The following GRIN2A variants were observed in gnomAD, a reference collection of about 807,000 sequenced individuals.
GRIN2A encodes glutamate ionotropic receptor NMDA type subunit 2A.
In GRIN2A, 22 loss-of-function variants were observed where a neutral mutation model predicts 113.4. The ratio of observed to expected loss-of-function variants is 0.19; its 90% CI spans 0.14 to 0.28. The LOEUF (loss-of-function observed/expected upper bound fraction) is 0.28, where lower values mean the gene tolerates loss of function less well. Among genes scored for constraint, GRIN2A ranks in the 10% least tolerant of loss-of-function variants. The pLI is 1.00. For missense variants in GRIN2A, 1,502 were observed against 1,887.0 expected (o/e 0.80, Z 3.78); for synonymous variants, 827 against 738.4 (o/e 1.12, Z -1.94).
chr16:9,882,126 G>C (rs111786675), intron 4 of GRIN2A, among the ~76,000 whole-genome samples: 2,574 of 152,166 alleles, frequency 0.017, 63 homozygotes, highest in African/African-American at 0.054. Flanking sequence ...TTGAGATCTT[G>C]AAACTCACTG....
chr16:9,996,108 G>C (rs1374873962), intron 2 of GRIN2A, among the ~76,000 whole-genome samples: 1 of 149,808 alleles, frequency 6.7e-6, no homozygotes, highest in Non-Finnish European at 1.5e-5. Context: ...GGAGGATTTG[G>C]AAAGTAAAGA....
At chr16:9,801,113 C>T (rs1275358816) in intron 10 of GRIN2A, among the ~76,000 whole-genome samples, 1 of 152,124 alleles carries the variant, frequency 6.6e-6, no homozygotes, top group Non-Finnish European at 1.5e-5. Flanking sequence ...CTGTGGTATT[C>T]TAAGATTGTG....
intron 2 of GRIN2A, among the ~76,000 whole-genome samples, chr16:10,034,695 T>C (rs779836103): frequency 6.6e-6 from 1 of 150,620 alleles, no homozygotes; most frequent in Admixed American, 6.7e-5. Context: ...GGTCTATCTA[T>C]TCAGGAGACT....
At chr16:9,772,834 G>A (rs2141161804) in intron 11 of GRIN2A, among the ~76,000 whole-genome samples, 1 of 146,324 alleles carries the variant, frequency 6.8e-6, no homozygotes, top group African/African-American at 2.5e-5. Flanking sequence ...TTCTTTTCAG[G>A]ATGTAAATAA....
At chr16:10,067,931 C>G (rs1308823387) in intron 2 of GRIN2A, among the ~76,000 whole-genome samples, 3 of 152,168 alleles carry the variant, frequency 2.0e-5, no homozygotes, top group African/African-American at 4.8e-5. Context: ...CAACTCCAGG[C>G]TAAGATGAAG....
chr16:9,940,976 G>C (rs767938104), intron 2 of GRIN2A, among the ~76,000 whole-genome samples: 39 of 152,230 alleles, frequency 2.6e-4, no homozygotes, highest in Middle Eastern at 6.8e-3. Flanking sequence ...ACGCCTCTTG[G>C]GATGGGGCAA....
At chr16:9,832,088 T>TTATA (rs1404877097) in intron 8 of GRIN2A, among the ~76,000 whole-genome samples, 2 of 56,178 alleles carry the variant, frequency 3.6e-5, no homozygotes, top group Non-Finnish European at 4.6e-5. Flanking sequence ...CAGGCTTATT[T>TTATA]TATTTATTTA....
chr16:9,997,868 G>T (rs2046254422), intron 2 of GRIN2A, among the ~76,000 whole-genome samples: 1 of 152,154 alleles, frequency 6.6e-6, no homozygotes, highest in Non-Finnish European at 1.5e-5. Flanking sequence ...ACATGCCTTT[G>T]TTCCTGCTTT....
chr16:9,854,097 G>C lies in GRIN2A; in HGVS notation c.1123-4136C>G, dbSNP rs567704406. Among the ~76,000 whole-genome samples, 3 of 152,242 alleles carry C rather than the reference G, an allele frequency of 2.0e-5. No individual in the cohort carries two copies. The South Asian group carries it at 6.2e-4, about 32-fold the overall frequency. ...TCTAACTCAGGGCATGCCACATGGAGGGACTTAATGGGTAGTTTTTGGTGG... is the reference window on the plus strand; with the variant it reads ...TCTAACTCAGGGCATGCCACATGGACGGACTTAATGGGTAGTTTTTGGTGG... On this transcript the variant is annotated intron_variant, in intron 4 of 12. Transcript: ENST00000330684.
chr16:10,033,463 CA>C (rs1255869287), intron 2 of GRIN2A, among the ~76,000 whole-genome samples: 1 of 152,122 alleles, frequency 6.6e-6, no homozygotes, highest in Non-Finnish European at 1.5e-5. Flanking sequence ...TGAAAATAAA[CA>C]GGATGATGTG....
chr16:9,823,618 C>T (rs2042330324), intron 9 of GRIN2A, among the ~76,000 whole-genome samples: 1 of 152,118 alleles, frequency 6.6e-6, no homozygotes, highest in African/African-American at 2.4e-5. Flanking sequence ...TAGTTGGGTC[C>T]AGCACTATGC....
At chr16:10,136,299 A>G (rs1453825890) in intron 2 of GRIN2A, among the ~76,000 whole-genome samples, 2 of 152,184 alleles carry the variant, frequency 1.3e-5, no homozygotes, top group African/African-American at 4.8e-5. Context: ...CAACAGATGA[A>G]GGCGAAAACA....
intron 2 of GRIN2A, among the ~76,000 whole-genome samples, chr16:10,066,808 C>A (rs531528290): frequency 6.6e-6 from 1 of 152,148 alleles, no homozygotes; most frequent in Non-Finnish European, 1.5e-5. Context: ...GGAAATGTCA[C>A]CTTTAACACT....
At chr16:9,911,660 G>A (rs1415225348) in intron 3 of GRIN2A, among the ~76,000 whole-genome samples, 1 of 152,174 alleles carries the variant, frequency 6.6e-6, no homozygotes, top group East Asian at 1.9e-4. Flanking sequence ...GAACAAGGAA[G>A]TGCATTTGGA....
At chr16:9,848,236 G>T (rs1379303322) in intron 5 of GRIN2A, among the ~76,000 whole-genome samples, 2 of 150,140 alleles carry the variant, frequency 1.3e-5, no homozygotes, top group African/African-American at 4.9e-5. Flanking sequence ...TTATTTTTGA[G>T]TCAGAGTCTC....
intron 10 of GRIN2A, among the ~76,000 whole-genome samples, chr16:9,812,070 A>T (rs1187145768): frequency 6.6e-6 from 1 of 152,238 alleles, no homozygotes; most frequent in Non-Finnish European, 1.5e-5. Flanking sequence ...ATGGTGGGCC[A>T]TTAGAAACGG....
chr16:9,843,356 C>T (rs1401544073), intron 5 of GRIN2A, among the ~76,000 whole-genome samples: 1 of 152,086 alleles, frequency 6.6e-6, no homozygotes. Context: ...AAGAGACACG[C>T]TCTTGCTCTG....
At chr16:10,124,980 C>A (rs529337028) in intron 2 of GRIN2A, among the ~76,000 whole-genome samples, 5 of 152,210 alleles carry the variant, frequency 3.3e-5, no homozygotes, top group African/African-American at 1.2e-4. Context: ...GAGGACAAAG[C>A]CCCTAGGGTT....
Position 9,755,939 on chromosome 16 carries a change from C to G in GRIN2A, c.*7210G>C. On this transcript the variant is annotated 3_prime_UTR_variant, in exon 13 of 13. Transcript: ENST00000330684. ...CTCAATCATTCTGACTACCAAAGCTCTCCATCATTCATGCAGAAACTCTAT... is the reference window on the plus strand; with the variant it reads ...CTCAATCATTCTGACTACCAAAGCTGTCCATCATTCATGCAGAAACTCTAT... 1 of 216,336 alleles carries G rather than the reference C, an allele frequency of 4.6e-6. No individual in the cohort carries two copies. The highest frequency in any genetic ancestry group is 9.3e-6 in the Non-Finnish European group (1 of 107,164). 13.4% of individuals were successfully genotyped at this position (216,336 alleles called of 1,614,324 possible).
Sources: gnomAD v4.1 joint callset for allele counts (sites outside exome capture counted in the v4.1 genomes callset) on GRCh38, gnomAD v4.1.1 for gene constraint, MANE v1.5 for transcripts, NCBI Gene and HGNC (gene_info 2026-07-23, HGNC 2026-07-21) for gene names.